The following ZSWIM4 variants were observed in gnomAD, a reference collection of about 807,000 sequenced individuals.
The protein encoded by ZSWIM4 is zinc finger SWIM domain-containing protein 4.
ZSWIM4 carries 62 observed loss-of-function variants against 102.5 expected under a neutral mutation model. That is an observed-to-expected ratio of 0.60 (90% CI 0.49 to 0.75). ZSWIM4 has a LOEUF of 0.75. Among genes scored for constraint, ZSWIM4 ranks in the 30% least tolerant of loss-of-function variants. The pLI is 0.00. For synonymous variants in ZSWIM4, 652 were observed against 674.5 expected (o/e 0.97, Z 0.52); for missense variants, 1,280 against 1,529.6 (o/e 0.84, Z 2.72).
At chr19:13,820,844 C>T (rs1031144847) in intron 10 of ZSWIM4, among the ~76,000 whole-genome samples, 5 of 151,882 alleles carry the variant, frequency 3.3e-5, no homozygotes, top group Non-Finnish European at 5.9e-5. Flanking sequence ...CACTGCGTAG[C>T]CTTCCACTCT....
chr19:13,813,423 G>T (rs1975164389), intron 6 of ZSWIM4, among the ~76,000 whole-genome samples: 1 of 152,164 alleles, frequency 6.6e-6, no homozygotes, highest in Admixed American at 6.6e-5. Flanking sequence ...GGGCTGGTCT[G>T]GCTTGGCCTT....
chr19:13,808,925 C>T lies in ZSWIM4; in HGVS notation c.802C>T (p.Leu268=). The T allele has an allele frequency of 6.2e-7, 1 of 1,611,566 alleles. No homozygotes were observed. The highest frequency in any genetic ancestry group is 8.5e-7 in the Non-Finnish European group (1 of 1,179,078). Residue 268 remains leucine (L), a synonymous_variant, in exon 4 of 14, where the codon CTA becomes TTA. Coordinates refer to ENST00000590508, the MANE Select transcript of ZSWIM4 (RefSeq NM_001367834.3). ...EEQIQEQVKQ[L]LSNGGYYGAS... ...GCAGATCCAGGAGCAGGTGAAGCAG[C>T]TACTGTCCAATGGCGGCTACTACGG...
Position 13,817,218 on chromosome 19 carries a change from C to G in ZSWIM4, c.1534C>G (p.Leu512Val), listed in dbSNP as rs1413789105. Residue 512 changes from leucine (L) to valine (V), a missense_variant and splice_region_variant, in exon 8 of 14, where the codon CTG becomes GTG. Physicochemically the swap from Leu to Val is conservative, Grantham distance 32. Coordinates refer to ENST00000590508, the MANE Select transcript of ZSWIM4 (RefSeq NM_001367834.3). ...LESYKQQKKELLQKGSTCITN... is the reference protein window; with the variant it reads ...LESYKQQKKEVLQKGSTCITN... ...GAGCCCCCTCTTTCCACCTGCAGAG[C>G]TGCTCCAGAAGGGCTCCACCTGCAT... 6.2e-7 allele frequency: 1 copy of G among 1,610,864 alleles called. No individual in the cohort carries two copies. The highest frequency in any genetic ancestry group is 1.1e-5 in the South Asian group (1 of 90,848).
chr19:13,821,916 T>G (rs2145359286), intron 10 of ZSWIM4, among the ~76,000 whole-genome samples: 1 of 152,176 alleles, frequency 6.6e-6, no homozygotes, highest in Non-Finnish European at 1.5e-5. Flanking sequence ...TTTTGTATTT[T>G]TAGTAGAGAC....
At chr19:13,824,602 G>A (rs780127242) in intron 11 of ZSWIM4, among the ~76,000 whole-genome samples, 14 of 151,716 alleles carry the variant, frequency 9.2e-5, no homozygotes, top group South Asian at 4.2e-4. Context: ...CGTGGTGACC[G>A]GCACCTGTAA....
chr19:13,829,113 AAAGAG>A (rs527475057), intron 13 of ZSWIM4, among the ~76,000 whole-genome samples: 56 of 150,596 alleles, frequency 3.7e-4, no homozygotes, highest in African/African-American at 1.3e-3. Context: ...GGGAAAAAAA[AAAGAG>A]AGAGAGAGAG....
At chr19:13,800,029 A>C (rs1974716561) in intron 2 of ZSWIM4, 108 bp downstream of exon 2, 20 of 1,051,804 alleles carry the variant, frequency 1.9e-5, no homozygotes, top group Non-Finnish European at 2.4e-5. Flanking sequence ...GAGGTTACAG[A>C]CCTCAGGCTT....
intron 10 of ZSWIM4, among the ~76,000 whole-genome samples, chr19:13,820,610 C>T (rs113460395): frequency 2.8e-4 from 42 of 152,360 alleles, no homozygotes; most frequent in African/African-American, 9.9e-4. Flanking sequence ...GAAATCTTTT[C>T]TAGGCAGTTT....
chr19:13,809,386 C>T lies in ZSWIM4; in HGVS notation c.1012+166C>T, dbSNP rs890156066. 6.6e-6 allele frequency among the ~76,000 whole-genome samples: 1 copy of T among 152,212 alleles called. No individual in the cohort carries two copies. Among genetic ancestry groups the T allele is most frequent in the African/African-American group, 2.4e-5 (1 of 41,468 alleles). Reference sequence around the variant, plus strand: ...GGCATGGTACTGGGCACTGGTGGTCCGGCAGAGAACAAGAGAGTCAAAATC... The same window carrying T: ...GGCATGGTACTGGGCACTGGTGGTCTGGCAGAGAACAAGAGAGTCAAAATC... On this transcript the variant is annotated intron_variant, in intron 5 of 13. Transcript: ENST00000590508. This position sits in a 1 kb window ranked among gnomAD's most constrained non-coding sequence, Gnocchi z 4.2.
In ZSWIM4 at chr19:13,817,319, T is replaced by C; in HGVS notation, c.1635T>C (p.Cys545=). 6.2e-7 allele frequency: 1 copy of C among 1,613,942 alleles called. No homozygotes were observed. Among genetic ancestry groups the C allele is most frequent in the Non-Finnish European group, 8.5e-7 (1 of 1,179,870 alleles). ...TCTGCAGGGCGCTCCTGGAGGCCTG[T>C]CGTCTGGAGGAGGAGACACTTACCC... ...GCLCRALLEA[C]RLEEETLTLY... The change falls in exon 8 of 14, where the codon TGT becomes TGC. Residue 545 remains cysteine (C), a synonymous_variant. Coordinates refer to ENST00000590508, the MANE Select transcript of ZSWIM4 (RefSeq NM_001367834.3).
chr19:13,797,380 G>A (rs1316053607), intron 1 of ZSWIM4, among the ~76,000 whole-genome samples: 3 of 152,172 alleles, frequency 2.0e-5, no homozygotes, highest in Non-Finnish European at 4.4e-5. Context: ...GCATGGAAGG[G>A]AAACTGAGGA....
Position 13,830,610 on chromosome 19 carries a change from G to A in ZSWIM4, c.2881G>A (p.Val961Ile), listed in dbSNP as rs754976474. The A allele has an allele frequency of 4.4e-6, 7 of 1,600,078 alleles. No individual in the cohort carries two copies. The highest frequency in any genetic ancestry group is 1.7e-4 in the Middle Eastern group (1 of 6,060). The change falls in exon 14 of 14, where the codon GTC becomes ATC. Residue 961 changes from valine to isoleucine, a missense_variant. Transcript: ENST00000590508. ...IAFNQDSHPA[V>I]NDVLWACSLS... Reference sequence around the variant, plus strand: ...CTTCAACCAGGACAGCCACCCTGCCGTCAACGACGTGCTTTGGGCCTGCTC... The same window carrying A: ...CTTCAACCAGGACAGCCACCCTGCCATCAACGACGTGCTTTGGGCCTGCTC...
At chr19:13,802,557 G>A (rs900028478) in intron 2 of ZSWIM4, among the ~76,000 whole-genome samples, 2 of 150,872 alleles carry the variant, frequency 1.3e-5, no homozygotes, top group African/African-American at 4.9e-5. Context: ...TCCAGCCTGG[G>A]CAAGAGAGAG....
At chr19:13,812,547 C>T (rs1975132160) in intron 5 of ZSWIM4, among the ~76,000 whole-genome samples, 1 of 151,388 alleles carries the variant, frequency 6.6e-6, no homozygotes, top group African/African-American at 2.4e-5. Context: ...GCAACCTCCA[C>T]CTCCCGGGTT....
chr19:13,819,657 AT>A (rs1388441704), intron 10 of ZSWIM4, among the ~76,000 whole-genome samples, 165 bp downstream of exon 10: 1 of 146,330 alleles, frequency 6.8e-6, no homozygotes, highest in Non-Finnish European at 1.5e-5. Flanking sequence ...CATTATTATT[AT>A]TTATTTATTT....
At chr19:13,812,458 C>CTTCTT (rs1975126215) in intron 5 of ZSWIM4, among the ~76,000 whole-genome samples, 1 of 117,466 alleles carries the variant, frequency 8.5e-6, no homozygotes, top group African/African-American at 3.4e-5. Context: ...GTAATCCCAA[C>CTTCTT]TTTTTTTTTT....
chr19:13,824,734 AAATAATAATAATAATAATAATAATAAT>A lies in ZSWIM4; in HGVS notation c.2216-798_2216-772del, dbSNP rs59668197. Among the ~76,000 whole-genome samples the A allele has an allele frequency of 8.2e-5, 12 of 146,804 alleles. No individual in the cohort carries two copies. The East Asian group carries it at 2.2e-3, about 27-fold the overall frequency. ...ACAACAAGAACAAAACTCCATCTCA[AAATAATAATAATAATAATAATAATAAT>A]AATAATAATAATAATAAAAGCTAAC... On this transcript the variant is annotated intron_variant, in intron 11 of 13. Coordinates refer to ENST00000590508, the MANE Select transcript of ZSWIM4 (RefSeq NM_001367834.3).
At position 13,808,104 on chromosome 19, in the gene ZSWIM4, T is replaced by C. The variant is rs557483416; in HGVS notation, c.713-732T>C. 3.1e-3 allele frequency among the ~76,000 whole-genome samples: 466 copies of C among 152,070 alleles called. 2 individuals are homozygous for C. Among genetic ancestry groups the C allele is most frequent in the Non-Finnish European group, 5.7e-3 (389 of 67,988 alleles). The stretch of plus-strand genomic sequence containing the variant: ...AAACAACCAGATCTCATGAGAACTC[T>C]ATCATGAGACAACACTAAGGGAATG... On this transcript the variant is annotated intron_variant, in intron 3 of 13. Coordinates refer to ENST00000590508, the MANE Select transcript of ZSWIM4 (RefSeq NM_001367834.3).
At chr19:13,812,623 C>CT (rs545020943) in intron 5 of ZSWIM4, among the ~76,000 whole-genome samples, 1,843 of 130,340 alleles carry the variant, frequency 0.014, 16 homozygotes, top group South Asian at 0.019. Context: ...TCATGCCTGG[C>CT]TTTTTTTTTT....
Sources: allele counts gnomAD v4.1 joint callset (sites outside exome capture counted in the v4.1 genomes callset), GRCh38; gene constraint gnomAD v4.1.1; non-coding constraint Gnocchi (gnomAD v3.1); transcripts MANE v1.5; gene names NCBI Gene and HGNC (gene_info 2026-07-23, HGNC 2026-07-21).